ARHGAP17: variants seen among roughly 807,000 people sequenced by gnomAD.
ARHGAP17 encodes Rho GTPase activating protein 17.
A neutral mutation model predicts 99.5 loss-of-function variants in ARHGAP17; 57 were observed. The ratio of observed to expected loss-of-function variants is 0.57; its 90% CI spans 0.46 to 0.71. The LOEUF is 0.71. Among genes scored for constraint, ARHGAP17 ranks in the 30% least tolerant of loss-of-function variants. The pLI is 0.00. For missense variants in ARHGAP17, 1,000 were observed against 1,122.4 expected (o/e 0.89, Z 1.56); for synonymous variants, 417 against 429.6 (o/e 0.97, Z 0.36).
At position 24,939,616 on chromosome 16, in the gene ARHGAP17, C is replaced by T. The variant is rs956589752; in HGVS notation, c.1491-19G>A. 1.9e-6 allele frequency: 3 copies of T among 1,585,944 alleles called. No homozygotes were observed. Among genetic ancestry groups the T allele is most frequent in the Non-Finnish European group, 2.6e-6 (3 of 1,165,372 alleles). ...ACCAAAGCTACACAGAGAGAAGAAA[C>T]AGTCAACACACCATGCGAGCAGACT... On this transcript the variant is annotated intron_variant, in intron 16 of 19. Transcript: ENST00000289968.
intron 19 of ARHGAP17, among the ~76,000 whole-genome samples, chr16:24,928,709 C>T (rs1436350317): frequency 6.6e-6 from 1 of 152,142 alleles, no homozygotes. Context: ...CACAGTAGGC[C>T]TAAGGCTCAG....
chr16:24,975,078 A>G (rs2052475432), intron 3 of ARHGAP17, among the ~76,000 whole-genome samples: 1 of 152,214 alleles, frequency 6.6e-6, no homozygotes, highest in African/African-American at 2.4e-5. Context: ...GCTTGAGCCC[A>G]GGAGGTTAAT....
intron 13 of ARHGAP17, among the ~76,000 whole-genome samples, chr16:24,948,298 G>C (rs2141218160): frequency 6.6e-6 from 1 of 152,260 alleles, no homozygotes; most frequent in East Asian, 1.9e-4. Flanking sequence ...AAAACACACA[G>C]GCAAGTATGT....
At chr16:24,953,099 T>C in intron 10 of ARHGAP17, 57 bp from the exon 11 acceptor site, 1 of 1,498,190 alleles carries the variant, frequency 6.7e-7, no homozygotes, top group Non-Finnish European at 9.3e-7. Flanking sequence ...TCAGACTAAG[T>C]GGCAGTGTGT....
intron 19 of ARHGAP17, among the ~76,000 whole-genome samples, chr16:24,927,144 G>A (rs890568663): frequency 4.6e-5 from 7 of 152,124 alleles, no homozygotes; most frequent in Admixed American, 1.3e-4. Context: ...GGTGGCAGGC[G>A]CCTATAATCC....
chr16:24,941,540 T>C (rs1331671345), intron 16 of ARHGAP17, among the ~76,000 whole-genome samples: 2 of 152,314 alleles, frequency 1.3e-5, no homozygotes, highest in Non-Finnish European at 2.9e-5. Context: ...TTGGCTTCCA[T>C]TGTGGGGCCA....
chr16:24,920,139 A>T lies in ARHGAP17; in HGVS notation c.2637T>A (p.Thr879=), dbSNP rs1338132369. ...TGGGAAAGGGCTTTCTTCACAGGGC[A>T]GTGCTCTCGGTATCATTGTCTATAT... The part of the protein sequence containing the change: ...LLDIDNDTES[T]AL Residue 879 remains threonine, a synonymous_variant, in exon 20 of 20, where the codon ACT becomes ACA. Transcript: ENST00000289968. 2 of 1,613,986 alleles carry T rather than the reference A, an allele frequency of 1.2e-6. No individual in the cohort carries two copies. The highest frequency in any genetic ancestry group is 1.1e-5 in the South Asian group (1 of 91,062).
At chr16:24,931,698 C>T (rs1054855465) in intron 18 of ARHGAP17, among the ~76,000 whole-genome samples, 4 of 152,166 alleles carry the variant, frequency 2.6e-5, no homozygotes, top group Non-Finnish European at 5.9e-5. Flanking sequence ...ATGTCACAGA[C>T]AGCAGGAGAC....
At chr16:24,935,318 A>G in intron 18 of ARHGAP17, 152 bp downstream of exon 18, 1 of 990,078 alleles carries the variant, frequency 1.0e-6, no homozygotes, top group African/African-American at 1.6e-5. Context: ...TTCTTTAATG[A>G]CTTTTCTCTT....
chr16:25,002,132 T>A (rs1246616743), intron 1 of ARHGAP17, among the ~76,000 whole-genome samples: 1 of 150,480 alleles, frequency 6.6e-6, no homozygotes, highest in African/African-American at 2.4e-5. Context: ...AAGCCATAAA[T>A]CAATGGAATA....
At chr16:24,956,837 C>T (rs2051823908) in intron 9 of ARHGAP17, 1 of 152,110 alleles carries the variant, frequency 6.6e-6, no homozygotes, top group Admixed American at 6.5e-5. Flanking sequence ...CTGGTGTAGA[C>T]CATAAATGCT....
intron 1 of ARHGAP17, among the ~76,000 whole-genome samples, chr16:25,013,516 G>A (rs921825476): frequency 3.7e-4 from 56 of 152,046 alleles, no homozygotes; most frequent in Middle Eastern, 3.2e-3. Context: ...AACCACATAG[G>A]TGGCTGAGGC....
intron 15 of ARHGAP17, among the ~76,000 whole-genome samples, chr16:24,943,151 G>A (rs1014300520): frequency 1.3e-5 from 2 of 152,222 alleles, no homozygotes; most frequent in Non-Finnish European, 2.9e-5. Flanking sequence ...GTGGATCCCA[G>A]AACTGCAACA....
intron 3 of ARHGAP17, among the ~76,000 whole-genome samples, chr16:24,974,208 A>T (rs1380665019): frequency 1.3e-5 from 2 of 152,226 alleles, no homozygotes; most frequent in Non-Finnish European, 2.9e-5. Context: ...AGGAGGGAGG[A>T]TCACTTGAGG....
At chr16:24,926,134 A>AAAGAGAAGAG (rs745544954) in intron 19 of ARHGAP17, among the ~76,000 whole-genome samples, 31 of 151,022 alleles carry the variant, frequency 2.1e-4, no homozygotes, top group African/African-American at 5.4e-4. Flanking sequence ...AAAGAAAAGA[A>AAAGAGAAGAG]AAGAGAAGAG....
At chr16:24,924,541 C>T (rs2050793524) in intron 19 of ARHGAP17, among the ~76,000 whole-genome samples, 2 of 151,526 alleles carry the variant, frequency 1.3e-5, no homozygotes, top group Admixed American at 1.3e-4. Flanking sequence ...TATAAATTCA[C>T]AACCAAAGAG....
chr16:24,930,591 A>G (rs755837484), intron 19 of ARHGAP17, 193 bp downstream of exon 19: 1 of 976,918 alleles, frequency 1.0e-6, no homozygotes. Context: ...AGCCACAGAC[A>G]ATATGTTAAC....
intron 11 of ARHGAP17, among the ~76,000 whole-genome samples, chr16:24,952,646 G>GA (rs565690883): frequency 1.0e-3 from 155 of 152,258 alleles, no homozygotes; most frequent in African/African-American, 3.5e-3. Context: ...GAATTTGGTG[G>GA]GGGGAGACTG....
rs200434765 is a variant in ARHGAP17, at chr16:24,949,110, C to G, written c.1127+294G>C. ...ATACTGGATGATTTGGACTCCAAAC[C>G]CAACATACAGTCACTCAAACTTTTC... On this transcript the variant is annotated intron_variant, in intron 13 of 19. Coordinates refer to ENST00000289968, the MANE Select transcript of ARHGAP17 (RefSeq NM_001006634.3). 404 of 263,266 alleles carry G rather than the reference C, an allele frequency of 1.5e-3. 4 individuals are homozygous for G. In the South Asian group the frequency reaches 0.025, roughly 16 times the overall value. 16.3% of individuals were successfully genotyped at this position (263,266 alleles called of 1,614,324 possible). A position where few individuals can be genotyped will look rare whatever the true frequency, so the allele number is the denominator to read the frequency against.
Sources: gnomAD v4.1 joint callset for allele counts (sites outside exome capture counted in the v4.1 genomes callset) on GRCh38, gnomAD v4.1.1 for gene constraint, MANE v1.5 for transcripts, NCBI Gene and HGNC (gene_info 2026-07-23, HGNC 2026-07-21) for gene names.